Variants in SLC4A10 observed in about 807,000 individuals in gnomAD.
SLC4A10 encodes sodium-driven chloride bicarbonate exchanger.
Under a neutral mutation model 137.7 loss-of-function variants are expected in SLC4A10, and 42 were observed. The observed-to-expected ratio is 0.30, with a 90% CI of 0.24 to 0.39. SLC4A10 has a LOEUF of 0.39. Among genes scored for constraint, SLC4A10 ranks in the 10% least tolerant of loss-of-function variants. The pLI is 1.00. For missense variants in SLC4A10, 925 were observed against 1,355.0 expected (o/e 0.68, Z 4.98); for synonymous variants, 474 against 464.1 (o/e 1.02, Z -0.27).
chr2:161,769,924 C>T (rs2051364973), intron 1 of SLC4A10, among the ~76,000 whole-genome samples: 1 of 138,962 alleles, frequency 7.2e-6, no homozygotes, highest in South Asian at 2.4e-4. Flanking sequence ...TCCCCAATGT[C>T]TGATGCTCCA....
intron 8 of SLC4A10, among the ~76,000 whole-genome samples, chr2:161,874,442 C>T (rs1156365796): frequency 6.6e-6 from 1 of 152,162 alleles, no homozygotes; most frequent in Non-Finnish European, 1.5e-5. Flanking sequence ...GCCTTTGCAG[C>T]CTTCAAGAAT....
intron 1 of SLC4A10, among the ~76,000 whole-genome samples, chr2:161,695,007 A>G (rs895302275): frequency 6.6e-6 from 1 of 152,042 alleles, no homozygotes; most frequent in Non-Finnish European, 1.5e-5. Flanking sequence ...ACAAAAAAAG[A>G]CTGAATGTGA....
At chr2:161,744,429 C>A (rs1208250608) in intron 1 of SLC4A10, among the ~76,000 whole-genome samples, 2 of 152,060 alleles carry the variant, frequency 1.3e-5, no homozygotes, top group Non-Finnish European at 2.9e-5. Flanking sequence ...TGTGATGTAT[C>A]ACATTGATCA....
At chr2:161,843,560 A>G (rs2059318271) in intron 4 of SLC4A10, among the ~76,000 whole-genome samples, 1 of 152,150 alleles carries the variant, frequency 6.6e-6, no homozygotes, top group Non-Finnish European at 1.5e-5. Context: ...AGACACAATG[A>G]TTCAGGGAAG....
intron 1 of SLC4A10, among the ~76,000 whole-genome samples, chr2:161,692,447 G>A (rs905908076): frequency 2.0e-5 from 3 of 152,064 alleles, no homozygotes; most frequent in South Asian, 2.1e-4. Context: ...TGCACCTCAA[G>A]TATTTGAATA....
chr2:161,728,529 C>T (rs1273482971), intron 1 of SLC4A10, among the ~76,000 whole-genome samples: 3 of 151,906 alleles, frequency 2.0e-5, no homozygotes, highest in African/African-American at 4.8e-5. Context: ...GAGCTGAAAT[C>T]GCGCCCTGTA....
At chr2:161,976,645 T>C (rs1699422858) in intron 24 of SLC4A10, 115 bp from the exon 25 acceptor site, 2 of 511,412 alleles carry the variant, frequency 3.9e-6, no homozygotes, top group Non-Finnish European at 6.8e-6. Flanking sequence ...AATTTAAAAA[T>C]TGGGAAAAAT....
Position 161,706,331 on chromosome 2 carries a change from A to G in SLC4A10, c.49-64642A>G, listed in dbSNP as rs185407565. ...AAGTTCAATTTTCTTATTTTTCATT[A>G]TTGATTCATTTAATAACTTTGATAT... On this transcript the variant is annotated intron_variant, in intron 1 of 26. Coordinates refer to ENST00000446997, the MANE Select transcript of SLC4A10 (RefSeq NM_001178015.2). 3.0e-4 allele frequency among the ~76,000 whole-genome samples: 46 copies of G among 151,766 alleles called. No individual in the cohort carries two copies. The East Asian group carries it at 7.9e-3, about 26-fold the overall frequency.
chr2:161,769,309 T>G (rs2051278145), intron 1 of SLC4A10, among the ~76,000 whole-genome samples: 1 of 151,940 alleles, frequency 6.6e-6, no homozygotes, highest in Non-Finnish European at 1.5e-5. Context: ...TTCCTGTATT[T>G]CTGTCTGTAT....
At chr2:161,647,083 A>G (rs536903713) in intron 1 of SLC4A10, among the ~76,000 whole-genome samples, 2 of 152,158 alleles carry the variant, frequency 1.3e-5, no homozygotes, top group Non-Finnish European at 2.9e-5. Flanking sequence ...GAATGATTAT[A>G]CAGGATCTTC....
chr2:161,889,369 C>A (rs2062669460), intron 10 of SLC4A10, among the ~76,000 whole-genome samples: 1 of 152,166 alleles, frequency 6.6e-6, no homozygotes, highest in Admixed American at 6.5e-5. Flanking sequence ...ACCAGCTCCT[C>A]TTTGTACCTC....
intron 2 of SLC4A10, among the ~76,000 whole-genome samples, chr2:161,798,776 G>A (rs1228963164): frequency 6.7e-6 from 1 of 150,352 alleles, no homozygotes; most frequent in Non-Finnish European, 1.5e-5. Flanking sequence ...TTCTACCTGC[G>A]TTTATTTTTC....
intron 3 of SLC4A10, among the ~76,000 whole-genome samples, chr2:161,813,582 T>G (rs2056763810): frequency 6.6e-6 from 1 of 152,164 alleles, no homozygotes; most frequent in Non-Finnish European, 1.5e-5. Context: ...CATATTTTTC[T>G]CATTCAAGTT....
At position 161,976,807 on chromosome 2, in the gene SLC4A10, C is replaced by T; in HGVS notation, c.3275C>T (p.Ala1092Val). 1 of 1,604,832 alleles carries T rather than the reference C, an allele frequency of 6.2e-7. No individual in the cohort carries two copies. ...INISDEMSKT[A>V]LWRNLLITAD... ...ATATCTGATGAAATGTCAAAGACTG[C>T]CTTGTGGAGGAACCTTCTGATTACT... The change falls in exon 25 of 27, where the codon GCC becomes GTC. Residue 1092 changes from alanine to valine, a missense_variant. Around this residue, in one of 11 missense-constraint regions of SLC4A10, gnomAD observed 84 missense variants for 76.9 expected, o/e 1.09. Transcript: ENST00000446997.
At chr2:161,975,521 T>C (rs1170755149) in intron 24 of SLC4A10, among the ~76,000 whole-genome samples, 2 of 152,206 alleles carry the variant, frequency 1.3e-5, no homozygotes, top group Non-Finnish European at 2.9e-5. Context: ...CTATTCCACA[T>C]GATGCTTTTT....
In SLC4A10 at chr2:161,793,960, A is replaced by T. The variant is rs2054488660; in HGVS notation, c.131-10489A>T. Among the ~76,000 whole-genome samples the T allele has an allele frequency of 2.0e-5, 3 of 152,186 alleles. No homozygotes were observed. In the South Asian group the frequency reaches 6.2e-4, roughly 31 times the overall value. The stretch of plus-strand genomic sequence containing the variant: ...TTAGAAGATAATATAGCATAAAAAA[A>T]TTTTATGACATCACAGTGATTAATC... On this transcript the variant is annotated intron_variant, in intron 2 of 26. Coordinates refer to ENST00000446997, the MANE Select transcript of SLC4A10 (RefSeq NM_001178015.2).
chr2:161,682,651 G>A (rs1371136432), intron 1 of SLC4A10, among the ~76,000 whole-genome samples: 1 of 151,926 alleles, frequency 6.6e-6, no homozygotes, highest in Non-Finnish European at 1.5e-5. Context: ...ATGGCTTTTG[G>A]CTGTTACTGT....
chr2:161,843,249 T>G (rs2059295639), intron 4 of SLC4A10, among the ~76,000 whole-genome samples: 1 of 152,188 alleles, frequency 6.6e-6, no homozygotes, highest in Non-Finnish European at 1.5e-5. Context: ...GAAGCGATAC[T>G]AGAATATAGC....
intron 1 of SLC4A10, among the ~76,000 whole-genome samples, chr2:161,723,068 T>G (rs935639511): frequency 1.3e-5 from 2 of 152,148 alleles, no homozygotes; most frequent in Admixed American, 1.3e-4. Context: ...ATGGAGGCTG[T>G]CCCTTTCCCT....
Sources: gnomAD v4.1 joint callset for allele counts (sites outside exome capture counted in the v4.1 genomes callset) on GRCh38, gnomAD v4.1.1 for gene constraint, gnomAD v4.1.1 regional missense constraint, MANE v1.5 for transcripts, NCBI Gene and HGNC (gene_info 2026-07-23, HGNC 2026-07-21) for gene names.